The following AP4E1 variants were observed in gnomAD, a reference collection of about 807,000 sequenced individuals.
AP4E1 encodes the protein adaptor related protein complex 4 subunit epsilon 1.
A neutral mutation model predicts 128.2 loss-of-function variants in AP4E1; 56 were observed. That is an observed-to-expected ratio of 0.44 (90% CI 0.35 to 0.55). The LOEUF (loss-of-function observed/expected upper bound fraction) is 0.55. Ranked by LOEUF, AP4E1 falls within the 20% of genes least tolerant of loss-of-function variation. The probability of loss-of-function intolerance (pLI) is 0.00; values close to 1 mark genes in which losing one functional copy is unlikely to be tolerated. For synonymous variants in AP4E1, 484 were observed against 473.1 expected (o/e 1.02, Z -0.30); for missense variants, 1,324 against 1,307.7 (o/e 1.01, Z -0.19).
At chr15:50,986,520 G>A (rs938281275) in intron 16 of AP4E1, among the ~76,000 whole-genome samples, 32 of 152,058 alleles carry the variant, frequency 2.1e-4, no homozygotes, top group African/African-American at 5.1e-4. Flanking sequence ...AGCATGAAGC[G>A]CTGTTGAATT....
chr15:50,945,898 G>C, intron 10 of AP4E1: 7 of 1,061,822 alleles, frequency 6.6e-6, no homozygotes, highest in Non-Finnish European at 1.0e-5. Context: ...CATGAAAGAA[G>C]CTCGTCGAAG....
chr15:50,941,891 T>G (rs1300618296), intron 10 of AP4E1, 116 bp downstream of exon 10: 2 of 766,468 alleles, frequency 2.6e-6, no homozygotes, highest in East Asian at 5.4e-5. Context: ...GTGTGTATAT[T>G]TTAACTTTTG....
At chr15:50,986,827 T>A (rs1354817522) in intron 16 of AP4E1, among the ~76,000 whole-genome samples, 5 of 152,226 alleles carry the variant, frequency 3.3e-5, no homozygotes, top group Non-Finnish European at 5.9e-5. Flanking sequence ...CCTCATAAAA[T>A]GAGTTAGGGA....
chr15:50,983,549 T>C (rs935230876), intron 15 of AP4E1, among the ~76,000 whole-genome samples: 1 of 152,150 alleles, frequency 6.6e-6, no homozygotes, highest in African/African-American at 2.4e-5. Context: ...GTTATACAGA[T>C]TAAAAGGAAT....
intron 13 of AP4E1, among the ~76,000 whole-genome samples, chr15:50,956,917 C>A (rs536482144): frequency 2.6e-5 from 4 of 152,128 alleles, no homozygotes; most frequent in Non-Finnish European, 5.9e-5. Context: ...CAACCCCTCG[C>A]GGGAGGGTGA....
intron 18 of AP4E1, 36 bp from the exon 19 acceptor site, chr15:50,999,036 T>C: frequency 6.2e-7 from 1 of 1,600,188 alleles, no homozygotes; most frequent in Non-Finnish European, 8.6e-7. Context: ...TATTGATCCC[T>C]TCCTTCTTCA....
At chr15:50,945,168 G>T (rs2064040894) in intron 10 of AP4E1, 4 of 869,510 alleles carry the variant, frequency 4.6e-6, no homozygotes, top group Non-Finnish European at 8.0e-6. Context: ...TAAAGAAGCT[G>T]TTTTTGCCAC....
At chr15:50,986,567 A>G (rs2064727332) in intron 16 of AP4E1, among the ~76,000 whole-genome samples, 1 of 152,150 alleles carries the variant, frequency 6.6e-6, no homozygotes, top group Non-Finnish European at 1.5e-5. Flanking sequence ...TGAGATAATC[A>G]TGTGGTTTTT....
At position 50,958,489 on chromosome 15, in the gene AP4E1, C is replaced by T. The variant is rs774758108; in HGVS notation, c.1549-3C>T. 1.2e-6 allele frequency: 2 copies of T among 1,605,442 alleles called. No homozygotes were observed. The highest frequency in any genetic ancestry group is 1.7e-6 in the Non-Finnish European group (2 of 1,174,384). On this transcript the variant is annotated splice_region_variant and splice_polypyrimidine_tract_variant and intron_variant, in intron 13 of 20. Transcript: ENST00000261842. The stretch of plus-strand genomic sequence containing the variant: ...TATGAATATCTCTTTGTTTTATTTA[C>T]AGGTATTAGGGGAATATTCCTACCT...
intron 15 of AP4E1, among the ~76,000 whole-genome samples, chr15:50,979,544 A>T (rs1220544480): frequency 2.0e-5 from 3 of 151,946 alleles, no homozygotes. Flanking sequence ...CTTTTTTTTG[A>T]GGCGGAGTTT....
chr15:50,939,351 T>C (rs12905611), intron 8 of AP4E1, among the ~76,000 whole-genome samples: 64,732 of 151,216 alleles, frequency 0.43, 14,013 homozygotes, highest in East Asian at 0.58. Flanking sequence ...TGCACGCTTG[T>C]ACTGCCAGCT....
At chr15:50,915,750 G>T (rs1303866169) in intron 3 of AP4E1, 179 bp downstream of exon 3, 12 of 713,680 alleles carry the variant, frequency 1.7e-5, no homozygotes, top group Admixed American at 3.0e-5. Flanking sequence ...CAGTTTTCCT[G>T]ATGCATAGCA....
In AP4E1 at chr15:50,984,065, C is replaced by CT; in HGVS notation, c.2012dup (p.Thr672HisfsTer19). On this transcript the variant is annotated frameshift_variant, in exon 16 of 21. Transcript: ENST00000261842. LOFTEE classifies it high-confidence loss of function. Reference sequence around the variant, plus strand: ...ATGGACTCTCCTTTTCTTCATCTGGCTTCACTGGACGACAGTCTCCTGCTG... The same window carrying CT: ...ATGGACTCTCCTTTTCTTCATCTGGCTTTCACTGGACGACAGTCTCCTGCTG... The CT allele has an allele frequency of 6.2e-7, 1 of 1,613,298 alleles. No individual in the cohort carries two copies. The highest frequency in any genetic ancestry group is 8.5e-7 in the Non-Finnish European group (1 of 1,179,394).
chr15:50,949,740 G>C, intron 11 of AP4E1, 86 bp from the exon 12 acceptor site: 1 of 1,023,530 alleles, frequency 9.8e-7, no homozygotes, highest in Non-Finnish European at 1.5e-6. Context: ...AGGATGAATT[G>C]GGGTTATTTT....
chr15:50,986,314 G>A (rs1387847482), intron 16 of AP4E1, among the ~76,000 whole-genome samples: 6 of 152,142 alleles, frequency 3.9e-5, no homozygotes, highest in Non-Finnish European at 8.8e-5. Flanking sequence ...TCTCCTGCCT[G>A]ATTGCCCTGG....
At chr15:50,915,413 T>A in intron 2 of AP4E1, 35 bp from the exon 3 acceptor site, 3 of 1,597,004 alleles carry the variant, frequency 1.9e-6, no homozygotes, top group Non-Finnish European at 2.6e-6. Context: ...AATATTCTGT[T>A]TATTTATACA....
chr15:50,974,879 A>G (rs1006704646), intron 15 of AP4E1, among the ~76,000 whole-genome samples: 9 of 152,164 alleles, frequency 5.9e-5, no homozygotes, highest in South Asian at 2.1e-4. Context: ...AGTTAAAAAA[A>G]AAAAACTATT....
intron 8 of AP4E1, among the ~76,000 whole-genome samples, chr15:50,940,840 A>G (rs776722912): frequency 4.6e-5 from 7 of 152,202 alleles, no homozygotes; most frequent in Non-Finnish European, 1.0e-4. Context: ...CAAGATGTCC[A>G]GTAGATTATT....
At chr15:50,975,503 TC>T (rs1419552782) in intron 15 of AP4E1, among the ~76,000 whole-genome samples, 1 of 152,168 alleles carries the variant, frequency 6.6e-6, no homozygotes, top group Non-Finnish European at 1.5e-5. Context: ...TCCATTTTAT[TC>T]TTTTGCATGT....
Sources: gnomAD v4.1 joint callset for allele counts (sites outside exome capture counted in the v4.1 genomes callset) on GRCh38, gnomAD v4.1.1 for gene constraint, MANE v1.5 for transcripts, NCBI Gene and HGNC (gene_info 2026-07-23, HGNC 2026-07-21) for gene names.